The following RPRD2 variants were observed in gnomAD, a reference collection of about 807,000 sequenced individuals.
RPRD2 encodes regulation of nuclear pre-mRNA domain-containing protein 2.
In RPRD2, 12 loss-of-function variants were observed where a neutral mutation model predicts 104.4. The ratio of observed to expected loss-of-function variants is 0.11; its 90% CI spans 0.07 to 0.19. The LOEUF is 0.19. Among genes scored for constraint, RPRD2 ranks in the 10% least tolerant of loss-of-function variants. The probability of loss-of-function intolerance (pLI) is 1.00; values close to 1 mark genes in which losing one functional copy is unlikely to be tolerated. For missense variants in RPRD2, 1,543 were observed against 1,790.1 expected (o/e 0.86, Z 2.49); for synonymous variants, 714 against 684.9 (o/e 1.04, Z -0.66).
chr1:150,467,573 C>T (rs1488292443), intron 10 of RPRD2, among the ~76,000 whole-genome samples: 3 of 152,036 alleles, frequency 2.0e-5, no homozygotes, highest in African/African-American at 7.2e-5. Flanking sequence ...GGGGTTTCGC[C>T]ATGTTGGCCA....
In RPRD2 at chr1:150,406,934, C is replaced by T. The variant is rs587714091; in HGVS notation, c.206-10662C>T. The stretch of plus-strand genomic sequence containing the variant: ...TTCTCCATGTTGATCAGGCTGGTCT[C>T]GAACTCCTGACCTCAGGTGATCCGC... On this transcript the variant is annotated intron_variant, in intron 1 of 10. Coordinates refer to ENST00000369068, the MANE Select transcript of RPRD2 (RefSeq NM_015203.5). 5.8e-4 allele frequency among the ~76,000 whole-genome samples: 88 copies of T among 151,902 alleles called. No individual in the cohort carries two copies. The Middle Eastern group carries it at 0.01, about 18-fold the overall frequency.
chr1:150,411,255 G>T (rs1290249137), intron 1 of RPRD2, among the ~76,000 whole-genome samples: 1 of 151,568 alleles, frequency 6.6e-6, no homozygotes, highest in Non-Finnish European at 1.5e-5. Context: ...GAGGTCAGGA[G>T]TTTTAGACCA....
At chr1:150,469,690 G>A (rs745998597) in intron 10 of RPRD2, among the ~76,000 whole-genome samples, 2 of 152,110 alleles carry the variant, frequency 1.3e-5, no homozygotes, top group African/African-American at 2.4e-5. Flanking sequence ...TTCTACAGGA[G>A]CAGTTTGCTT....
At chr1:150,436,709 C>A (rs34456572) in intron 2 of RPRD2, among the ~76,000 whole-genome samples, 33,672 of 151,686 alleles carry the variant, frequency 0.22, 4,243 homozygotes, top group African/African-American at 0.32. Context: ...GAGTTCAAGA[C>A]CAGCCTGGCC....
intron 7 of RPRD2, among the ~76,000 whole-genome samples, chr1:150,454,430 A>G (rs1553897192): frequency 6.6e-6 from 1 of 152,082 alleles, no homozygotes; most frequent in East Asian, 1.9e-4. Context: ...AGTATATTCA[A>G]ACAAGTGTGT....
At chr1:150,461,413 TAA>T (rs1427622597) in intron 9 of RPRD2, among the ~76,000 whole-genome samples, 3 of 152,240 alleles carry the variant, frequency 2.0e-5, no homozygotes, top group African/African-American at 7.2e-5. Context: ...ACTAGCTATT[TAA>T]AAGTTAATTA....
chr1:150,435,767 A>G (rs587615280), intron 2 of RPRD2, among the ~76,000 whole-genome samples: 17 of 152,368 alleles, frequency 1.1e-4, no homozygotes, highest in African/African-American at 4.1e-4. Flanking sequence ...CAAGTTGTCC[A>G]GAGCTTCAGC....
intron 2 of RPRD2, among the ~76,000 whole-genome samples, chr1:150,435,588 A>G (rs974565403): frequency 2.0e-5 from 3 of 152,242 alleles, no homozygotes; most frequent in Admixed American, 1.3e-4. Context: ...CAGATACAAC[A>G]TAAAGCCAAA....
intron 2 of RPRD2, among the ~76,000 whole-genome samples, chr1:150,424,917 T>C (rs1553890316): frequency 6.6e-6 from 1 of 152,218 alleles, no homozygotes; most frequent in Non-Finnish European, 1.5e-5. Context: ...GATATATTTA[T>C]ATTAATATTA....
chr1:150,393,056 CTATA>C (rs1192234306), intron 1 of RPRD2, among the ~76,000 whole-genome samples: 1 of 151,548 alleles, frequency 6.6e-6, no homozygotes, highest in East Asian at 1.9e-4. Flanking sequence ...AAAAATGTGG[CTATA>C]TAGAGAGACA....
intron 2 of RPRD2, among the ~76,000 whole-genome samples, chr1:150,433,930 C>T (rs1665824393): frequency 7.2e-6 from 1 of 139,280 alleles, no homozygotes; most frequent in Non-Finnish European, 1.6e-5. Flanking sequence ...TGTATACACA[C>T]ACACACACAC....
chr1:150,366,906 G>A (rs1206501972), intron 1 of RPRD2, among the ~76,000 whole-genome samples: 1 of 152,250 alleles, frequency 6.6e-6, no homozygotes, highest in Non-Finnish European at 1.5e-5. Flanking sequence ...TCCCTGTCCC[G>A]TCTCTGCTGT....
chr1:150,472,962 G>A lies in RPRD2; in HGVS notation c.4014G>A (p.Glu1338=). ...CCCTCCTTCAAGGGACCCTGGCTGA[G>A]CATTTTGGGGTACTCCCAGGACCCA... ...HSSLLQGTLA[E]HFGVLPGPRD... Residue 1338 remains glutamate, a synonymous_variant, in exon 11 of 11, where the codon GAG becomes GAA. Coordinates refer to ENST00000369068, the MANE Select transcript of RPRD2 (RefSeq NM_015203.5). 1 of 1,613,916 alleles carries A rather than the reference G, an allele frequency of 6.2e-7. No individual in the cohort carries two copies.
In RPRD2 at chr1:150,371,800, A is replaced by C. The variant is rs587772771; in HGVS notation, c.205+6881A>C. On this transcript the variant is annotated intron_variant, in intron 1 of 10. Coordinates refer to ENST00000369068, the MANE Select transcript of RPRD2 (RefSeq NM_015203.5). Reference sequence around the variant, plus strand: ...CCCACCATCCTACACAGCCTTTCTTATTCATAAAATATTTTCTACAGTGCA... The same window carrying C: ...CCCACCATCCTACACAGCCTTTCTTCTTCATAAAATATTTTCTACAGTGCA... Among the ~76,000 whole-genome samples, 5 of 152,282 alleles carry C rather than the reference A, an allele frequency of 3.3e-5. No individual in the cohort carries two copies. In the East Asian group the frequency reaches 9.7e-4, roughly 29 times the overall value.
In RPRD2 at chr1:150,444,236, C is replaced by G. The variant is rs782689436; in HGVS notation, c.568-15C>G. Reference sequence around the variant, plus strand: ...ATGATCTTGTAAATGAAATATGACTCTGGTCTGTGTTTAGTCTCAGGCCCT... The same window carrying G: ...ATGATCTTGTAAATGAAATATGACTGTGGTCTGTGTTTAGTCTCAGGCCCT... On this transcript the variant is annotated splice_polypyrimidine_tract_variant and intron_variant, in intron 5 of 10. Transcript: ENST00000369068. 6.2e-6 allele frequency: 10 copies of G among 1,605,870 alleles called. No homozygotes were observed. The Admixed American group carries it at 8.6e-5, about 14-fold the overall frequency.
intron 2 of RPRD2, among the ~76,000 whole-genome samples, chr1:150,430,289 T>A (rs1665462343): frequency 1.3e-5 from 2 of 152,138 alleles, no homozygotes; most frequent in South Asian, 4.2e-4. Flanking sequence ...TGGAAAAAAA[T>A]AATCTATAGG....
Position 150,369,441 on chromosome 1 carries a change from A to ATTTTTTT in RPRD2, c.205+4549_205+4555dup, listed in dbSNP as rs58054758. On this transcript the variant is annotated intron_variant, in intron 1 of 10. Transcript: ENST00000369068. ...GGAACCATGCCACCACACCTGGCTAATTTTTTTTTTTTTTTTTTTTTTTTT... is the reference window on the plus strand; with the variant it reads ...GGAACCATGCCACCACACCTGGCTAATTTTTTTTTTTTTTTTTTTTTTTTTTTTTTTT... Among the ~76,000 whole-genome samples, 31 of 57,534 alleles carry ATTTTTTT rather than the reference A, an allele frequency of 5.4e-4. 1 individual carries two copies. Among genetic ancestry groups the ATTTTTTT allele is most frequent in the African/African-American group, 1.3e-3 (19 of 14,868 alleles). The allele number at this position is 57,534 out of a possible 152,430, so 37.7% of individuals were successfully genotyped here. A position where few individuals can be genotyped will look rare whatever the true frequency, so the allele number is the denominator to read the frequency against.
At chr1:150,452,411 GTACT>G (rs1224102462) in intron 7 of RPRD2, among the ~76,000 whole-genome samples, 2 of 152,110 alleles carry the variant, frequency 1.3e-5, no homozygotes, top group African/African-American at 4.8e-5. Context: ...TCATTTTGTA[GTACT>G]TAATTAACCA....
intron 2 of RPRD2, among the ~76,000 whole-genome samples, chr1:150,429,163 G>A (rs1665381611): frequency 6.6e-6 from 1 of 150,700 alleles, no homozygotes. Context: ...TGCGATCTCA[G>A]CTCACCACAA....
Sources: gnomAD v4.1 joint callset for allele counts (sites outside exome capture counted in the v4.1 genomes callset) on GRCh38, gnomAD v4.1.1 for gene constraint, MANE v1.5 for transcripts, NCBI Gene and HGNC (gene_info 2026-07-23, HGNC 2026-07-21) for gene names.